The following EFNA5 variants were observed in gnomAD, a reference collection of about 807,000 sequenced individuals.
The protein encoded by EFNA5 is ephrin A5.
In EFNA5, 5 loss-of-function variants were observed where a neutral mutation model predicts 22.9. The observed-to-expected ratio is 0.22, with a 90% CI of 0.11 to 0.46. The LOEUF (loss-of-function observed/expected upper bound fraction) is 0.46. EFNA5 is among the 20% of genes least tolerant of loss of function. EFNA5 has a pLI of 0.99. For synonymous variants in EFNA5, 113 were observed against 112.2 expected (o/e 1.01, Z -0.04); for missense variants, 237 against 293.3 (o/e 0.81, Z 1.40).
chr5:107,437,443 C>T (rs1395207149), intron 1 of EFNA5, among the ~76,000 whole-genome samples: 1 of 152,154 alleles, frequency 6.6e-6, no homozygotes, highest in Non-Finnish European at 1.5e-5. Context: ...AAGAGCTCTG[C>T]AGTCATTAGA....
intron 1 of EFNA5, among the ~76,000 whole-genome samples, chr5:107,482,057 C>T (rs1750481447): frequency 6.6e-6 from 1 of 152,018 alleles, no homozygotes; most frequent in African/African-American, 2.4e-5. Context: ...TGCCTATAAT[C>T]CCAGCACTTT....
At chr5:107,593,869 A>C (rs1320379081) in intron 1 of EFNA5, among the ~76,000 whole-genome samples, 1 of 152,212 alleles carries the variant, frequency 6.6e-6, no homozygotes, top group African/African-American at 2.4e-5. Context: ...TGACCCAGCC[A>C]TCATCTTCTT....
chr5:107,552,253 T>C (rs1319168422), intron 1 of EFNA5, among the ~76,000 whole-genome samples: 2 of 152,230 alleles, frequency 1.3e-5, no homozygotes, highest in East Asian at 3.9e-4. Context: ...TAAATGGAAA[T>C]AGCAAAAGTG....
intron 1 of EFNA5, among the ~76,000 whole-genome samples, chr5:107,429,674 AC>A (rs1463087452): frequency 6.6e-6 from 1 of 152,186 alleles, no homozygotes; most frequent in Non-Finnish European, 1.5e-5. Context: ...AATCATGAGA[AC>A]CTGCCTTGCT....
At chr5:107,558,305 G>A (rs912742477) in intron 1 of EFNA5, among the ~76,000 whole-genome samples, 2 of 151,556 alleles carry the variant, frequency 1.3e-5, no homozygotes, top group Admixed American at 6.6e-5. Context: ...TAAGTAACTC[G>A]CTTTTTTTCC....
chr5:107,655,454 T>C (rs1288778954), intron 1 of EFNA5, among the ~76,000 whole-genome samples: 1 of 152,182 alleles, frequency 6.6e-6, no homozygotes, highest in Non-Finnish European at 1.5e-5. Flanking sequence ...GTTCACAGTG[T>C]TCTTTCAAAT....
chr5:107,436,228 G>C (rs1225944367), intron 1 of EFNA5, among the ~76,000 whole-genome samples: 1 of 152,186 alleles, frequency 6.6e-6, no homozygotes, highest in African/African-American at 2.4e-5. Flanking sequence ...TAACTCATTT[G>C]GAGTTTGTTT....
At chr5:107,398,852 C>A (rs1302519025) in intron 2 of EFNA5, among the ~76,000 whole-genome samples, 1 of 84,240 alleles carries the variant, frequency 1.2e-5, no homozygotes, top group African/African-American at 4.5e-5. Context: ...GAGACACTGC[C>A]TCAAAAAAAA....
At chr5:107,546,362 G>T (rs1748153950) in intron 1 of EFNA5, among the ~76,000 whole-genome samples, 3 of 152,176 alleles carry the variant, frequency 2.0e-5, no homozygotes, top group African/African-American at 7.2e-5. Context: ...GAGGCTGGCT[G>T]ATAAACAGCT....
intron 1 of EFNA5, among the ~76,000 whole-genome samples, chr5:107,501,853 G>T (rs1182017536): frequency 6.6e-6 from 1 of 152,136 alleles, no homozygotes; most frequent in Non-Finnish European, 1.5e-5. Context: ...CGGCCATAAG[G>T]TCAAAATAAT....
At chr5:107,409,219 T>C (rs1426503433) in intron 2 of EFNA5, among the ~76,000 whole-genome samples, 5 of 152,242 alleles carry the variant, frequency 3.3e-5, no homozygotes, top group African/African-American at 9.6e-5. Context: ...CTTTCGTCTT[T>C]GGATCACCAG....
chr5:107,551,802 T>C lies in EFNA5; in HGVS notation c.125+118687A>G, dbSNP rs150362223. Among the ~76,000 whole-genome samples, 766 of 152,272 alleles carry C rather than the reference T, an allele frequency of 5.0e-3. 3 individuals carry two copies. Among genetic ancestry groups the C allele is most frequent in the Non-Finnish European group, 8.1e-3 (553 of 68,032 alleles). On this transcript the variant is annotated intron_variant, in intron 1 of 4. Coordinates refer to ENST00000333274, the MANE Select transcript of EFNA5 (RefSeq NM_001962.3). ...TGTCTCTGAACATTTACTGTAAAAT[T>C]TCCCTACAAAATTTTAATATAAAAA...
In EFNA5 at chr5:107,511,563, A is replaced by G. The variant is rs1054365549; in HGVS notation, c.126-84054T>C. ...AAAAATACACTGATTTTGTAAATCT[A>G]TATTTTGCTATTGTGACTTTCTATG... On this transcript the variant is annotated intron_variant, in intron 1 of 4. Coordinates refer to ENST00000333274, the MANE Select transcript of EFNA5 (RefSeq NM_001962.3). Among the ~76,000 whole-genome samples, 23 of 152,310 alleles carry G rather than the reference A, an allele frequency of 1.5e-4. No individual in the cohort carries two copies. In the East Asian group the frequency reaches 4.2e-3, roughly 28 times the overall value.
At chr5:107,495,280 C>G (rs754869815) in intron 1 of EFNA5, among the ~76,000 whole-genome samples, 49 of 152,290 alleles carry the variant, frequency 3.2e-4, no homozygotes, top group Admixed American at 9.8e-4. Context: ...CCGGGAGGAA[C>G]GAACAACTCC....
At chr5:107,455,658 G>A (rs11950982) in intron 1 of EFNA5, among the ~76,000 whole-genome samples, 16,842 of 152,070 alleles carry the variant, frequency 0.11, 1,036 homozygotes, top group African/African-American at 0.15. Context: ...TAGAACAACA[G>A]CAAAAAATTC....
At position 107,395,034 on chromosome 5, in the gene EFNA5, C is replaced by CTTTTTTTTTTTTTTTTTT. The variant is rs58619326; in HGVS notation, c.419-7281_419-7264dup. ...CCCCTTATAAGAAGGATTTCTAGTT[C>CTTTTTTTTTTTTTTTTTT]TTTTTTTTTTTTTTTTTTCCGCGAG... On this transcript the variant is annotated intron_variant, in intron 2 of 4. Coordinates refer to ENST00000333274, the MANE Select transcript of EFNA5 (RefSeq NM_001962.3). 2.2e-3 allele frequency among the ~76,000 whole-genome samples: 190 copies of CTTTTTTTTTTTTTTTTTT among 86,114 alleles called. 34 individuals carry two copies. The highest frequency in any genetic ancestry group is 0.011 in the Middle Eastern group (1 of 92). The allele number at this position is 86,114 out of a possible 152,430, so 56.5% of individuals were successfully genotyped here. A position where few individuals can be genotyped will look rare whatever the true frequency, so the allele number is the denominator to read the frequency against.
chr5:107,532,242 T>G lies in EFNA5; in HGVS notation c.126-104733A>C, dbSNP rs149406996. Among the ~76,000 whole-genome samples the G allele has an allele frequency of 1.4e-3, 207 of 152,320 alleles. 1 individual carries two copies. The highest frequency in any genetic ancestry group is 4.9e-3 in the African/African-American group (203 of 41,572). On this transcript the variant is annotated intron_variant, in intron 1 of 4. Coordinates refer to ENST00000333274, the MANE Select transcript of EFNA5 (RefSeq NM_001962.3). The stretch of plus-strand genomic sequence containing the variant: ...GTGTGAACGCTGCATGAGACAATTA[T>G]TAGTGGAGAGCTTTGACTAAAGGTG...
chr5:107,435,559 C>A (rs1749090769), intron 1 of EFNA5, among the ~76,000 whole-genome samples: 1 of 151,978 alleles, frequency 6.6e-6, no homozygotes, highest in African/African-American at 2.4e-5. Context: ...TCACTGTTAC[C>A]CCACCAGGTG....
intron 1 of EFNA5, among the ~76,000 whole-genome samples, chr5:107,580,936 A>G (rs775310340): frequency 1.3e-5 from 2 of 152,062 alleles, no homozygotes; most frequent in African/African-American, 2.4e-5. Context: ...AGCTTAGAGA[A>G]TTTCCTGATC....
Sources: gnomAD v4.1 joint callset for allele counts (sites outside exome capture counted in the v4.1 genomes callset) on GRCh38, gnomAD v4.1.1 for gene constraint, MANE v1.5 for transcripts, NCBI Gene and HGNC (gene_info 2026-07-23, HGNC 2026-07-21) for gene names.